Variants in ZC3H12B observed in about 807,000 individuals in gnomAD.
The protein encoded by ZC3H12B is probable ribonuclease ZC3H12B.
ZC3H12B carries 7 observed loss-of-function variants against 43.9 expected under a neutral mutation model. That is an observed-to-expected ratio of 0.16 (90% CI 0.09 to 0.30). The LOEUF (loss-of-function observed/expected upper bound fraction) is 0.30, where lower values mean the gene tolerates loss of function less well. Ranked by LOEUF, ZC3H12B falls within the 10% of genes least tolerant of loss-of-function variation. The probability of loss-of-function intolerance (pLI) is 1.00; values close to 1 mark genes in which losing one functional copy is unlikely to be tolerated. For missense variants in ZC3H12B, 475 were observed against 670.2 expected, an observed-to-expected ratio of 0.71 and a Z score of 3.22; for synonymous variants, 222 against 241.7, an observed-to-expected ratio of 0.92 and a Z score of 0.76.
intron 2 of ZC3H12B, among the ~76,000 whole-genome samples, chrX:65,380,260 C>T (rs1019012499): frequency 2.7e-5 from 3 of 112,236 alleles, no homozygotes; most frequent in African/African-American, 9.7e-5. Flanking sequence ...GCAGATCTCT[C>T]AGCAGAAACT....
chrX:65,187,856 G>C, the ZC3H12B span, among the ~76,000 whole-genome samples: 1 of 109,609 alleles, frequency 9.1e-6, no homozygotes, highest in Non-Finnish European at 1.9e-5. Context: ...AACTGTTGTT[G>C]ACTGTAGCCA....
intron 3 of ZC3H12B, among the ~76,000 whole-genome samples, chrX:65,456,826 C>G (rs1475942691): frequency 9.1e-6 from 1 of 109,427 alleles, no homozygotes; most frequent in Non-Finnish European, 1.9e-5. Flanking sequence ...CCTTGGCCTC[C>G]CAAAGTGCCG....
intron 3 of ZC3H12B, among the ~76,000 whole-genome samples, chrX:65,432,231 A>G (rs751303024): frequency 9.0e-6 from 1 of 111,575 alleles, no homozygotes; most frequent in Non-Finnish European, 1.9e-5. Flanking sequence ...CTTGGTGGGT[A>G]AGATAATACT....
chrX:65,211,973 A>T, the ZC3H12B span, among the ~76,000 whole-genome samples: 1 of 70,309 alleles, frequency 1.4e-5, no homozygotes, highest in African/African-American at 6.0e-5. Flanking sequence ...TATGTTATGT[A>T]TACTATATAA....
At chrX:65,188,104 C>T in the ZC3H12B span, among the ~76,000 whole-genome samples, 1 of 111,346 alleles carries the variant, frequency 9.0e-6, no homozygotes, top group Non-Finnish European at 1.9e-5. Context: ...TAATGACCTC[C>T]AATTCCAGCC....
the ZC3H12B span, among the ~76,000 whole-genome samples, chrX:65,360,275 A>G: frequency 8.9e-6 from 1 of 112,341 alleles, no homozygotes. Flanking sequence ...AATATGCAAT[A>G]TTTTCAAGGT....
At chrX:65,478,379 A>G (rs1163828758) in intron 3 of ZC3H12B, among the ~76,000 whole-genome samples, 1 of 111,738 alleles carries the variant, frequency 8.9e-6, no homozygotes, top group African/African-American at 3.3e-5. Flanking sequence ...TTCCCTGTAT[A>G]TAGGCCATAC....
the ZC3H12B span, among the ~76,000 whole-genome samples, chrX:65,065,965 G>T: frequency 9.4e-6 from 1 of 106,899 alleles, no homozygotes; most frequent in African/African-American, 3.4e-5. Context: ...GCTTCACAAA[G>T]TCCTCGTTCT....
chrX:65,245,712 T>C, the ZC3H12B span, among the ~76,000 whole-genome samples: 1 of 111,688 alleles, frequency 9.0e-6, no homozygotes, highest in East Asian at 2.8e-4. Context: ...GTAAGACCTA[T>C]GTATGACCAA....
At chrX:65,230,499 C>T in the ZC3H12B span, among the ~76,000 whole-genome samples, 2 of 106,882 alleles carry the variant, frequency 1.9e-5, no homozygotes, top group African/African-American at 6.9e-5. Flanking sequence ...CTAACCTGCA[C>T]ATTGTGCACA....
chrX:65,193,160 G>A, the ZC3H12B span, among the ~76,000 whole-genome samples: 1 of 108,656 alleles, frequency 9.2e-6, no homozygotes, highest in Non-Finnish European at 1.9e-5. Context: ...TGTTATCAGG[G>A]TAGTTCTGGC....
the ZC3H12B span, among the ~76,000 whole-genome samples, chrX:65,194,891 C>G: frequency 8.9e-6 from 1 of 111,859 alleles, no homozygotes; most frequent in South Asian, 3.7e-4. Flanking sequence ...TATCTTCTTC[C>G]TCAACGAATC....
At chrX:65,277,492 A>T in the ZC3H12B span, among the ~76,000 whole-genome samples, 15 of 112,091 alleles carry the variant, frequency 1.3e-4, no homozygotes, top group African/African-American at 4.2e-4. Flanking sequence ...AAAAAAATTT[A>T]AAAAATCAAA....
chrX:65,312,439 A>T, the ZC3H12B span, among the ~76,000 whole-genome samples: 3 of 109,897 alleles, frequency 2.7e-5, no homozygotes, highest in Non-Finnish European at 5.7e-5. Flanking sequence ...TGCCACAGTA[A>T]TGAATCTGCA....
At chrX:65,469,083 C>T (rs751727077) in intron 3 of ZC3H12B, 2 of 113,290 alleles carry the variant, frequency 1.8e-5, no homozygotes, top group African/African-American at 6.5e-5. Context: ...AAAGACCTCG[C>T]TCTTTAAGGA....
chrX:65,035,532 G>C, the ZC3H12B span, among the ~76,000 whole-genome samples: 7 of 111,246 alleles, frequency 6.3e-5, no homozygotes, highest in African/African-American at 2.3e-4. Flanking sequence ...ATAATTCTAC[G>C]TACAGTCACG....
the ZC3H12B span, among the ~76,000 whole-genome samples, chrX:65,088,004 T>C: frequency 8.9e-6 from 1 of 111,887 alleles, no homozygotes; most frequent in Admixed American, 9.5e-5. Flanking sequence ...TTGCACTTAG[T>C]AATGATGTAA....
At chrX:65,327,427 C>A in the ZC3H12B span, among the ~76,000 whole-genome samples, 2 of 111,118 alleles carry the variant, frequency 1.8e-5, no homozygotes, top group African/African-American at 3.3e-5. Flanking sequence ...TACATTGTGT[C>A]TATTATGTTA....
At chrX:65,122,694 A>G in the ZC3H12B span, among the ~76,000 whole-genome samples, 37 of 111,304 alleles carry the variant, frequency 3.3e-4, no homozygotes, top group African/African-American at 1.2e-3. Flanking sequence ...AGGAAGATCT[A>G]CCAAGCAAAT....
Sources: gnomAD v4.1 joint callset for allele counts (sites outside exome capture counted in the v4.1 genomes callset) on GRCh38, gnomAD v4.1.1 for gene constraint, MANE v1.5 for transcripts, NCBI Gene and HGNC (gene_info 2026-07-23, HGNC 2026-07-21) for gene names.